The following AK5 variants were observed in gnomAD, a reference collection of about 807,000 sequenced individuals.
The protein encoded by AK5 is adenylate kinase 5.
Under a neutral mutation model 69.5 loss-of-function variants are expected in AK5, and 27 were observed. The observed-to-expected ratio is 0.39, with a 90% CI of 0.29 to 0.54. The LOEUF is 0.54. Among genes scored for constraint, AK5 ranks in the 20% least tolerant of loss-of-function variants. The pLI, the probability that AK5 is intolerant of heterozygous loss-of-function variation, is 0.71. For synonymous variants in AK5, 260 were observed against 244.4 expected (o/e 1.06, Z -0.60); for missense variants, 531 against 700.4 (o/e 0.76, Z 2.73).
rs1570303670 is a variant in AK5, at chr1:77,282,351, G to A, written c.38G>A (p.Arg13Lys). 6.4e-7 allele frequency: 1 copy of A among 1,558,980 alleles called. No individual in the cohort carries two copies. Among genetic ancestry groups the A allele is most frequent in the East Asian group, 2.4e-5 (1 of 41,584 alleles). Residue 13 changes from arginine (R) to lysine (K), a missense_variant, in exon 1 of 14, where the codon AGG becomes AAG. By Grantham distance (26) the Arg-to-Lys change is conservative. Coordinates refer to ENST00000354567, the MANE Select transcript of AK5 (RefSeq NM_174858.3). ...TNDAKEYLAR[R>K]EIPQLFESLL... Reference sequence around the variant, plus strand: ...GATGCCAAGGAGTATCTGGCCCGGAGGGAAATCCCTCAGCTTTTTGAGGTA... The same window carrying A: ...GATGCCAAGGAGTATCTGGCCCGGAAGGAAATCCCTCAGCTTTTTGAGGTA...
intron 6 of AK5, 135 bp from the exon 7 acceptor site, chr1:77,410,846 A>G: frequency 1.5e-6 from 1 of 665,146 alleles, no homozygotes; most frequent in Non-Finnish European, 2.6e-6. Flanking sequence ...TGTCTGATTA[A>G]AGACTCAAAT....
chr1:77,389,625 C>A (rs1570485874), intron 6 of AK5, among the ~76,000 whole-genome samples: 4 of 152,254 alleles, frequency 2.6e-5, no homozygotes, highest in African/African-American at 2.4e-5. Flanking sequence ...TAAATAATTG[C>A]AAATTATTTT....
chr1:77,367,507 T>G (rs367695048), intron 6 of AK5, among the ~76,000 whole-genome samples: 1 of 135,798 alleles, frequency 7.4e-6, no homozygotes, highest in East Asian at 2.2e-4. Flanking sequence ...GTTTTGTTTT[T>G]TTGTAGAGAC....
At chr1:77,467,706 T>C (rs752443740) in intron 8 of AK5, among the ~76,000 whole-genome samples, 10 of 152,242 alleles carry the variant, frequency 6.6e-5, no homozygotes, top group Non-Finnish European at 1.5e-4. Context: ...ATGACAAGTA[T>C]TGATTCCAGC....
Position 77,439,238 on chromosome 1 carries a change from G to A in AK5, c.1059+21523G>A, listed in dbSNP as rs560592051. 5.3e-5 allele frequency among the ~76,000 whole-genome samples: 8 copies of A among 152,240 alleles called. No individual in the cohort carries two copies. The South Asian group carries it at 1.7e-3, about 32-fold the overall frequency. Reference sequence around the variant, plus strand: ...GTAATCTATGTGCATATTTAGGGAGGCAAAGGAAGCGAACATTTTCTAAAG... The same window carrying A: ...GTAATCTATGTGCATATTTAGGGAGACAAAGGAAGCGAACATTTTCTAAAG... On this transcript the variant is annotated intron_variant, in intron 8 of 13. Coordinates refer to ENST00000354567, the MANE Select transcript of AK5 (RefSeq NM_174858.3).
At chr1:77,306,335 A>G (rs938035474) in intron 5 of AK5, among the ~76,000 whole-genome samples, 2 of 152,132 alleles carry the variant, frequency 1.3e-5, no homozygotes, top group Non-Finnish European at 2.9e-5. Context: ...AATTGAAATG[A>G]TCATGTGATT....
At chr1:77,474,719 A>G (rs1654737682) in intron 8 of AK5, among the ~76,000 whole-genome samples, 1 of 152,210 alleles carries the variant, frequency 6.6e-6, no homozygotes, top group Non-Finnish European at 1.5e-5. Context: ...CTTCTTAAAG[A>G]AAGGTGATGT....
chr1:77,491,540 C>A (rs1470777660), intron 10 of AK5, among the ~76,000 whole-genome samples: 1 of 152,036 alleles, frequency 6.6e-6, no homozygotes, highest in African/African-American at 2.4e-5. Flanking sequence ...CTCCTGACCT[C>A]GTGATCCACC....
At chr1:77,498,289 AGACG>A (rs998472926) in intron 10 of AK5, among the ~76,000 whole-genome samples, 43 of 152,370 alleles carry the variant, frequency 2.8e-4, no homozygotes, top group Non-Finnish European at 5.6e-4. Flanking sequence ...GGGTAAAGCC[AGACG>A]GTTACGGGTG....
intron 2 of AK5, among the ~76,000 whole-genome samples, chr1:77,292,612 C>T (rs1658752263): frequency 6.6e-6 from 1 of 152,172 alleles, no homozygotes; most frequent in Non-Finnish European, 1.5e-5. Flanking sequence ...GAGCCATAAA[C>T]TATATATCGA....
intron 5 of AK5, among the ~76,000 whole-genome samples, chr1:77,333,260 C>T (rs2815326): frequency 0.15 from 23,271 of 152,078 alleles, 2,262 homozygotes; most frequent in Non-Finnish European, 0.21. Flanking sequence ...TTTACTTAGC[C>T]GTTTTTGCTG....
chr1:77,425,556 C>T lies in AK5; in HGVS notation c.1059+7841C>T, dbSNP rs569106868. The stretch of plus-strand genomic sequence containing the variant: ...GAGCCAAGATCATGCCACTGCACTC[C>T]GGCCTGGGTGATAGAGCAAGACTCT... On this transcript the variant is annotated intron_variant, in intron 8 of 13. Coordinates refer to ENST00000354567, the MANE Select transcript of AK5 (RefSeq NM_174858.3). Among the ~76,000 whole-genome samples the T allele has an allele frequency of 1.2e-4, 18 of 151,914 alleles. 1 individual carries two copies. Among genetic ancestry groups the T allele is most frequent in the African/African-American group, 4.1e-4 (17 of 41,380 alleles).
chr1:77,453,519 A>G (rs878996529), intron 8 of AK5, among the ~76,000 whole-genome samples: 2 of 152,230 alleles, frequency 1.3e-5, no homozygotes, highest in African/African-American at 4.8e-5. Context: ...ATCTGTTCCA[A>G]TCATGGGCAT....
intron 10 of AK5, among the ~76,000 whole-genome samples, chr1:77,493,274 T>A (rs1656103819): frequency 6.6e-6 from 1 of 151,908 alleles, no homozygotes; most frequent in Non-Finnish European, 1.5e-5. Flanking sequence ...ATGAATTTGC[T>A]CTCTCTCTTC....
intron 5 of AK5, among the ~76,000 whole-genome samples, chr1:77,321,230 G>A (rs1660511970): frequency 6.6e-6 from 1 of 152,156 alleles, no homozygotes; most frequent in Non-Finnish European, 1.5e-5. Flanking sequence ...CCAGCATTTT[G>A]GGAGGCTGAG....
At chr1:77,467,957 T>G (rs1654243780) in intron 8 of AK5, among the ~76,000 whole-genome samples, 1 of 152,172 alleles carries the variant, frequency 6.6e-6, no homozygotes, top group South Asian at 2.1e-4. Context: ...GAATGGCTGC[T>G]CTATTAGGAG....
intron 5 of AK5, among the ~76,000 whole-genome samples, chr1:77,300,250 T>C (rs997657652): frequency 6.6e-6 from 1 of 152,188 alleles, no homozygotes; most frequent in African/African-American, 2.4e-5. Context: ...CGATTTGGGG[T>C]CTGTTAGCAA....
chr1:77,370,764 A>G (rs1647105883), intron 6 of AK5, among the ~76,000 whole-genome samples: 1 of 152,286 alleles, frequency 6.6e-6, no homozygotes, highest in African/African-American at 2.4e-5. Context: ...AGCCCAGTCC[A>G]GCTGGGCAAA....
At chr1:77,368,161 G>T (rs1647033829) in intron 6 of AK5, among the ~76,000 whole-genome samples, 1 of 126,668 alleles carries the variant, frequency 7.9e-6, no homozygotes, top group Admixed American at 9.2e-5. Flanking sequence ...CAGCATTGTA[G>T]CCCGGTGACA....
Sources: allele counts gnomAD v4.1 joint callset (sites outside exome capture counted in the v4.1 genomes callset), GRCh38; gene constraint gnomAD v4.1.1; transcripts MANE v1.5; gene names NCBI Gene and HGNC (gene_info 2026-07-23, HGNC 2026-07-21).